Variants in SUMF1 observed in about 807,000 individuals in gnomAD.
SUMF1 encodes the protein formylglycine-generating enzyme.
SUMF1 carries 48 observed loss-of-function variants against 47.6 expected under a neutral mutation model. The observed-to-expected ratio is 1.01, with a 90% CI of 0.80 to 1.28. The LOEUF is 1.28. SUMF1 is among the 50% of genes most tolerant of loss of function. The pLI, the probability that SUMF1 is intolerant of heterozygous loss-of-function variation, is 0.00. For synonymous variants in SUMF1, 230 were observed against 192.1 expected, an observed-to-expected ratio of 1.20 and a Z score of -1.63; for missense variants, 571 against 485.4, an observed-to-expected ratio of 1.18 and a Z score of -1.66.
chr3:4,203,073 T>G (rs1234557154), intron 8 of SUMF1, among the ~76,000 whole-genome samples: 1 of 151,888 alleles, frequency 6.6e-6, no homozygotes. Context: ...TTGGATGAAA[T>G]GTTCTGTAAA....
chr3:4,126,251 G>A (rs1476797680), intron 8 of SUMF1, among the ~76,000 whole-genome samples: 1 of 149,948 alleles, frequency 6.7e-6, no homozygotes, highest in Non-Finnish European at 1.5e-5. Context: ...TTAAAAGTAG[G>A]ACTGTATATG....
chr3:4,106,223 G>A (rs1176706096), intron 8 of SUMF1, among the ~76,000 whole-genome samples: 1 of 152,084 alleles, frequency 6.6e-6, no homozygotes, highest in Non-Finnish European at 1.5e-5. Context: ...TTTAGGCTAT[G>A]TGATCGGGCA....
At chr3:4,394,221 G>T (rs574501058) in intron 7 of SUMF1, among the ~76,000 whole-genome samples, 1 of 152,072 alleles carries the variant, frequency 6.6e-6, no homozygotes, top group Non-Finnish European at 1.5e-5. Flanking sequence ...CCAGGGTAGA[G>T]TGCAGTGGCG....
chr3:4,119,062 A>T (rs1486171018), intron 8 of SUMF1, among the ~76,000 whole-genome samples: 1 of 151,932 alleles, frequency 6.6e-6, no homozygotes, highest in Non-Finnish European at 1.5e-5. Flanking sequence ...CACTCCCCAA[A>T]CCCAAATCCA....
chr3:4,250,097 C>CGCTT (rs1696762746), intron 8 of SUMF1, among the ~76,000 whole-genome samples: 1 of 151,832 alleles, frequency 6.6e-6, no homozygotes, highest in Non-Finnish European at 1.5e-5. Context: ...GCACAAGAAT[C>CGCTT]GCTTGAACAC....
At chr3:4,456,769 TAC>T (rs1283544576) in intron 1 of SUMF1, among the ~76,000 whole-genome samples, 23 of 132,700 alleles carry the variant, frequency 1.7e-4, no homozygotes, top group Non-Finnish European at 3.0e-4. Context: ...TGTGTATATA[TAC>T]ACATATATAC....
intron 8 of SUMF1, among the ~76,000 whole-genome samples, chr3:4,239,498 T>G (rs559137036): frequency 2.0e-5 from 3 of 152,302 alleles, no homozygotes; most frequent in Non-Finnish European, 4.4e-5. Context: ...ACATCCCTTG[T>G]AAGTTGGATT....
intron 8 of SUMF1, among the ~76,000 whole-genome samples, chr3:4,193,117 T>C (rs1351116971): frequency 6.6e-6 from 1 of 152,126 alleles, no homozygotes; most frequent in Non-Finnish European, 1.5e-5. Flanking sequence ...GCAATGATCA[T>C]AATGTTCTAT....
chr3:4,134,543 A>T (rs1010746783), intron 8 of SUMF1, among the ~76,000 whole-genome samples: 1 of 152,172 alleles, frequency 6.6e-6, no homozygotes, highest in African/African-American at 2.4e-5. Flanking sequence ...ACACCCTAAC[A>T]TCACAATTAA....
chr3:4,302,283 T>C (rs1697987419), intron 8 of SUMF1, among the ~76,000 whole-genome samples: 1 of 152,088 alleles, frequency 6.6e-6, no homozygotes, highest in Non-Finnish European at 1.5e-5. Context: ...GTAAGATTGG[T>C]TGGATCTGGA....
chr3:4,144,692 T>A (rs906865011), intron 8 of SUMF1, among the ~76,000 whole-genome samples: 1 of 152,150 alleles, frequency 6.6e-6, no homozygotes, highest in South Asian at 2.1e-4. Flanking sequence ...TAACTAATAT[T>A]CAGAATGATT....
intron 8 of SUMF1, among the ~76,000 whole-genome samples, chr3:4,140,714 A>G (rs1166833099): frequency 6.6e-6 from 1 of 151,946 alleles, no homozygotes; most frequent in East Asian, 1.9e-4. Context: ...CAAAATCCCA[A>G]ATTATTTTAT....
rs1261192877 is a variant in SUMF1, at chr3:4,064,870, A to C, written c.1191+3699T>G. Reference sequence around the variant, plus strand: ...TTTCTTTGCTCAGATAATTTCTTCAAGCTGTGTCATTTGGAAGGAAAATAA... The same window carrying C: ...TTTCTTTGCTCAGATAATTTCTTCACGCTGTGTCATTTGGAAGGAAAATAA... On this transcript the variant is annotated intron_variant and NMD_transcript_variant, in intron 9 of 12. Coordinates refer to the SUMF1 transcript ENST00000448413. Among the ~76,000 whole-genome samples, 5 of 152,308 alleles carry C rather than the reference A, an allele frequency of 3.3e-5. No homozygotes were observed. In the East Asian group the frequency reaches 9.6e-4, roughly 29 times the overall value.
At chr3:4,431,135 G>A (rs1355875359) in intron 3 of SUMF1, among the ~76,000 whole-genome samples, 1 of 152,122 alleles carries the variant, frequency 6.6e-6, no homozygotes, top group African/African-American at 2.4e-5. Flanking sequence ...AGTGGGAGGA[G>A]GCAGACAAAT....
chr3:4,345,918 A>G (rs1273568441), intron 8 of SUMF1, among the ~76,000 whole-genome samples: 1 of 152,228 alleles, frequency 6.6e-6, no homozygotes, highest in Non-Finnish European at 1.5e-5. Flanking sequence ...TTAAACCAAC[A>G]AAGACCAAAA....
chr3:4,368,691 C>T (rs895070150), intron 8 of SUMF1, among the ~76,000 whole-genome samples: 3 of 152,098 alleles, frequency 2.0e-5, no homozygotes, highest in Non-Finnish European at 2.9e-5. Flanking sequence ...ATACACAAGC[C>T]CTGCATGCAC....
At chr3:4,124,132 C>G (rs1303069092) in intron 8 of SUMF1, among the ~76,000 whole-genome samples, 1 of 152,118 alleles carries the variant, frequency 6.6e-6, no homozygotes, top group Middle Eastern at 3.4e-3. Flanking sequence ...CTTTTTCTTT[C>G]CAAAAAATAA....
intron 8 of SUMF1, among the ~76,000 whole-genome samples, chr3:4,135,652 G>A (rs903709646): frequency 5.9e-5 from 9 of 152,102 alleles, no homozygotes; most frequent in African/African-American, 2.2e-4. Flanking sequence ...AGGAAATAAA[G>A]GGCATTCAAT....
intron 9 of SUMF1, among the ~76,000 whole-genome samples, chr3:4,049,661 A>G (rs1345016112): frequency 6.6e-6 from 1 of 152,134 alleles, no homozygotes; most frequent in Non-Finnish European, 1.5e-5. Flanking sequence ...TGCAACTCCC[A>G]AAGCCCAAAT....
Sources: allele counts gnomAD v4.1 joint callset (sites outside exome capture counted in the v4.1 genomes callset), GRCh38; gene constraint gnomAD v4.1.1; transcripts MANE v1.5; gene names NCBI Gene and HGNC (gene_info 2026-07-23, HGNC 2026-07-21).